USP24: variants seen among roughly 807,000 people sequenced by gnomAD.
USP24 encodes ubiquitin specific peptidase 24, also known as ubiquitin carboxyl-terminal hydrolase 24.
A neutral mutation model predicts 361.6 loss-of-function variants in USP24; 97 were observed. The ratio of observed to expected loss-of-function variants is 0.27; its 90% CI spans 0.23 to 0.32. The LOEUF is 0.32. Ranked by LOEUF, USP24 falls within the 10% of genes least tolerant of loss-of-function variation. The probability of loss-of-function intolerance (pLI) is 1.00; values close to 1 mark genes in which losing one functional copy is unlikely to be tolerated. For missense variants in USP24, 2,353 were observed against 3,165.6 expected (o/e 0.74, Z 6.16); for synonymous variants, 1,098 against 1,124.6 (o/e 0.98, Z 0.47).
At chr1:55,078,724 A>C (rs1365498062) in intron 60 of USP24, 73 bp from the exon 61 acceptor site, 1 of 1,202,190 alleles carries the variant, frequency 8.3e-7, no homozygotes. Context: ...TGCTGCCTTT[A>C]ACTGAAATCT....
At chr1:55,101,009 T>C (rs1297116898) in intron 43 of USP24, 45 bp from the exon 44 acceptor site, 2 of 1,588,778 alleles carry the variant, frequency 1.3e-6, no homozygotes, top group Non-Finnish European at 1.7e-6. Flanking sequence ...TTTAAAATGC[T>C]TCACAGGAAA....
intron 38 of USP24, among the ~76,000 whole-genome samples, chr1:55,119,626 A>C (rs1646222439): frequency 6.6e-6 from 1 of 152,142 alleles, no homozygotes; most frequent in African/African-American, 2.4e-5. Context: ...GTCTTTGAAC[A>C]GTCTGTTTAC....
chr1:55,153,697 C>G (rs534237764), intron 16 of USP24, among the ~76,000 whole-genome samples, 173 bp downstream of exon 16: 2 of 152,096 alleles, frequency 1.3e-5, no homozygotes, highest in South Asian at 4.2e-4. Context: ...AAGAGCACCT[C>G]CCAAGCTTTA....
At chr1:55,112,471 G>C (rs1041872364) in intron 38 of USP24, among the ~76,000 whole-genome samples, 1 of 152,170 alleles carries the variant, frequency 6.6e-6, no homozygotes, top group Non-Finnish European at 1.5e-5. Context: ...CTGGTACGTT[G>C]TGTCTTTGTT....
chr1:55,121,322 C>T, intron 37 of USP24, 114 bp downstream of exon 37: 1 of 913,160 alleles, frequency 1.1e-6, no homozygotes, highest in Non-Finnish European at 1.7e-6. Flanking sequence ...TTCGTACACT[C>T]CCTGAGAGCA....
intron 55 of USP24, chr1:55,086,388 C>A: frequency 3.7e-6 from 1 of 270,942 alleles, no homozygotes; most frequent in South Asian, 5.6e-5. Context: ...GCAAACAGAT[C>A]CAGAATATGG....
At chr1:55,077,605 T>C (rs1040479599) in intron 61 of USP24, among the ~76,000 whole-genome samples, 30 of 152,188 alleles carry the variant, frequency 2.0e-4, no homozygotes, top group African/African-American at 7.0e-4. Context: ...CATATCCTAG[T>C]TTGTTTTCCA....
chr1:55,085,824 G>C (rs1200438006), intron 56 of USP24, 118 bp downstream of exon 56: 13 of 941,884 alleles, frequency 1.4e-5, no homozygotes, highest in Non-Finnish European at 2.1e-5. Context: ...GTTCACAGAA[G>C]GTGTATTTAT....
At chr1:55,162,659 A>G (rs1159691241) in intron 7 of USP24, among the ~76,000 whole-genome samples, 1 of 152,150 alleles carries the variant, frequency 6.6e-6, no homozygotes, top group African/African-American at 2.4e-5. Context: ...AAAATACATT[A>G]AAGCAGCCCA....
intron 3 of USP24, among the ~76,000 whole-genome samples, chr1:55,174,405 G>A (rs1006724980): frequency 6.6e-6 from 1 of 152,184 alleles, no homozygotes; most frequent in Non-Finnish European, 1.5e-5. Flanking sequence ...TGACGGGGAG[G>A]AGAACCTTTT....
At chr1:55,129,158 G>A (rs1570482886) in intron 32 of USP24, among the ~76,000 whole-genome samples, 1 of 152,090 alleles carries the variant, frequency 6.6e-6, no homozygotes, top group Non-Finnish European at 1.5e-5. Flanking sequence ...TGGATTTACA[G>A]CGATAAAATT....
intron 38 of USP24, among the ~76,000 whole-genome samples, chr1:55,119,106 C>A (rs188231513): frequency 2.6e-5 from 4 of 152,308 alleles, no homozygotes; most frequent in Admixed American, 1.3e-4. Flanking sequence ...GGGATTCACA[C>A]AGATATTTGC....
chr1:55,137,892 C>A lies in USP24; in HGVS notation c.2941G>T (p.Glu981Ter). 6.3e-7 allele frequency: 1 copy of A among 1,588,632 alleles called. No homozygotes were observed. The highest frequency in any genetic ancestry group is 1.1e-5 in the South Asian group (1 of 87,616). ...TTCCACCGGACACTCCCTATGGTTT[C>A]ATTACTGTGAGCCTGTAAAATAAAA... is the stretch of plus-strand genomic sequence containing the variant. ...DTFTVEAHSNETIGSVRWKIA... is the reference protein window; with the variant it reads ...DTFTVEAHSN Residue 981 changes from glutamate to a stop codon, truncating the protein, a stop_gained, in exon 27 of 68, where the codon GAA becomes TAA. Transcript: ENST00000294383. LOFTEE classifies it high-confidence loss of function.
rs1644864963 is a variant in USP24 at position 55,068,908 on chromosome 1, T to A, written c.*137A>T. 6 of 899,120 alleles carry A rather than the reference T, an allele frequency of 6.7e-6. No individual in the cohort carries two copies. The East Asian group carries it at 1.5e-4, about 23-fold the overall frequency. 55.7% of individuals were successfully genotyped at this position (899,120 alleles called of 1,614,324 possible). ...GCTTAAAAATGCTTTCCTTGAGAAA[T>A]ACACGATCCGCCCAAGTCACAGCAG... On this transcript the variant is annotated 3_prime_UTR_variant, in exon 68 of 68. Coordinates refer to ENST00000294383, the MANE Select transcript of USP24 (RefSeq NM_015306.3).
intron 3 of USP24, among the ~76,000 whole-genome samples, chr1:55,176,086 G>A (rs1432688151): frequency 1.3e-5 from 2 of 152,068 alleles, no homozygotes; most frequent in African/African-American, 4.8e-5. Context: ...ATTAAGTCTA[G>A]TATAATTAAG....
At chr1:55,200,837 C>G (rs755083628) in intron 1 of USP24, among the ~76,000 whole-genome samples, 1 of 152,134 alleles carries the variant, frequency 6.6e-6, no homozygotes, top group African/African-American at 2.4e-5. Flanking sequence ...GCAAACAGTC[C>G]TACTAAAGGC....
rs201823082 is a variant in USP24 at position 55,083,276 on chromosome 1, T to C, written c.6971A>G (p.Asn2324Ser). The C allele has an allele frequency of 1.2e-5, 20 of 1,613,522 alleles. No individual in the cohort carries two copies. Among genetic ancestry groups the C allele is most frequent in the East Asian group, 2.2e-5 (1 of 44,884 alleles). The part of the protein sequence containing the change: ...SFLLGASRQN[N>S]QIRRWSSAQA... ...GGATATAAAAGTAGTCCTTACCTGA[T>C]TGTTTTGCCGACTGGCCCCTAGGAG... Residue 2324 changes from asparagine (N) to serine (S), a missense_variant, in exon 58 of 68, where the codon AAT becomes AGT. Transcript: ENST00000294383.
In USP24 at chr1:55,100,728, T is replaced by C. The variant is rs537429284; in HGVS notation, c.5271+111A>G. The C allele has an allele frequency of 3.6e-6, 4 of 1,110,840 alleles. No individual in the cohort carries two copies. The East Asian group carries it at 1.3e-4, about 36-fold the overall frequency. 68.8% of individuals were successfully genotyped at this position (1,110,840 alleles called of 1,614,324 possible). A position where few individuals can be genotyped will look rare whatever the true frequency, so the allele number is the denominator to read the frequency against. ...TATACCAAATCCTTTTACAGTTTCT[T>C]GGCAAGAGATTAGTCTAAAGTTAAT... On this transcript the variant is annotated intron_variant, in intron 44 of 67. Coordinates refer to ENST00000294383, the MANE Select transcript of USP24 (RefSeq NM_015306.3).
chr1:55,097,119 T>C lies in USP24; in HGVS notation c.5769A>G (p.Gln1923=), dbSNP rs751177343. ...TTTCCCCAACTTCAGAAGAAGAATC[T>C]TGGCGAGCCATTCCTGAAACTGTGT... The part of the protein sequence containing the change: ...EPYTVSGMAR[Q]DSSSEVGENG... Residue 1923 remains glutamine, a synonymous_variant, in exon 49 of 68, where the codon CAA becomes CAG. Coordinates refer to ENST00000294383, the MANE Select transcript of USP24 (RefSeq NM_015306.3). 1.4e-5 allele frequency: 23 copies of C among 1,613,872 alleles called. No individual in the cohort carries two copies. Among genetic ancestry groups the C allele is most frequent in the Non-Finnish European group, 1.7e-5 (20 of 1,179,892 alleles).
Sources: allele counts gnomAD v4.1 joint callset (sites outside exome capture counted in the v4.1 genomes callset), GRCh38; gene constraint gnomAD v4.1.1; transcripts MANE v1.5; gene names NCBI Gene and HGNC (gene_info 2026-07-23, HGNC 2026-07-21).